Variants in IL1RL2 observed in about 807,000 individuals in gnomAD.
IL1RL2 encodes the protein interleukin-1 receptor-like 2.
In IL1RL2, 68 loss-of-function variants were observed where a neutral mutation model predicts 66.8. The ratio of observed to expected loss-of-function variants is 1.02; its 90% CI spans 0.84 to 1.25. IL1RL2 has a LOEUF of 1.25. IL1RL2 is among the 50% of genes most tolerant of loss of function. IL1RL2 has a pLI of 0.00. For missense variants in IL1RL2, 729 were observed against 709.3 expected (o/e 1.03, Z -0.32); for synonymous variants, 305 against 264.6 (o/e 1.15, Z -1.48).
downstream of IL1RL2, among the ~76,000 whole-genome samples, chr2:102,242,655 A>G (rs980323630): frequency 6.6e-6 from 1 of 152,120 alleles, no homozygotes; most frequent in Non-Finnish European, 1.5e-5. Flanking sequence ...AGGGATTTGG[A>G]TGATGCCCAC....
chr2:102,200,377 G>A (rs1004850305), intron 4 of IL1RL2, among the ~76,000 whole-genome samples: 5 of 152,140 alleles, frequency 3.3e-5, no homozygotes, highest in East Asian at 1.9e-4. Context: ...CCTGCTGGGC[G>A]GCTCTATTCA....
At chr2:102,200,332 A>G (rs1258746302) in intron 4 of IL1RL2, among the ~76,000 whole-genome samples, 2 of 152,184 alleles carry the variant, frequency 1.3e-5, no homozygotes, top group Admixed American at 6.5e-5. Context: ...TTATAAATAA[A>G]CCAATGCTTG....
At chr2:102,218,837 TG>T in intron 6 of IL1RL2, 115 bp from the exon 7 acceptor site, 1 of 863,930 alleles carries the variant, frequency 1.2e-6, no homozygotes, top group Non-Finnish European at 1.8e-6. Context: ...GGGCTATTTC[TG>T]GTAATCAAAA....
chr2:102,204,469 T>C (rs1411457799), intron 5 of IL1RL2, among the ~76,000 whole-genome samples: 1 of 152,166 alleles, frequency 6.6e-6, no homozygotes, highest in Non-Finnish European at 1.5e-5. Flanking sequence ...TGTCCAATGC[T>C]GAAAGTGGGA....
intron 9 of IL1RL2, among the ~76,000 whole-genome samples, chr2:102,229,667 T>A (rs1281339236): frequency 6.6e-6 from 1 of 152,236 alleles, no homozygotes; most frequent in Admixed American, 6.5e-5. Flanking sequence ...CAGTAAATTA[T>A]GAATTAGTCA....
rs1049667184 is a variant in IL1RL2, at chr2:102,205,433, G to A, written c.649+3718G>A. Among the ~76,000 whole-genome samples, 17 of 152,092 alleles carry A rather than the reference G, an allele frequency of 1.1e-4. No individual in the cohort carries two copies. The East Asian group carries it at 3.1e-3, about 28-fold the overall frequency. On this transcript the variant is annotated intron_variant, in intron 5 of 11. Transcript: ENST00000264257. ...AGTACTCCCTTTAACATTTCTTGTAGGACAGGTCAGTAGATGAAATCCTTC... is the reference window on the plus strand; with the variant it reads ...AGTACTCCCTTTAACATTTCTTGTAAGACAGGTCAGTAGATGAAATCCTTC...
At chr2:102,195,338 T>G (rs553530073) in intron 4 of IL1RL2, among the ~76,000 whole-genome samples, 50 of 152,298 alleles carry the variant, frequency 3.3e-4, no homozygotes, top group African/African-American at 1.2e-3. Flanking sequence ...AAAAAGACCT[T>G]TTTTCCTATA....
At chr2:102,235,569 G>C (rs777026132) in intron 11 of IL1RL2, 1 of 985,324 alleles carries the variant, frequency 1.0e-6, no homozygotes, top group African/African-American at 1.7e-5. Context: ...GGCCCCTTGA[G>C]AACAGGACAT....
downstream of IL1RL2, among the ~76,000 whole-genome samples, chr2:102,242,250 A>G (rs77231253): frequency 1.6e-3 from 237 of 152,372 alleles, 1 homozygote; most frequent in African/African-American, 5.2e-3. Flanking sequence ...TTATAAAAAT[A>G]TTCATTATCC....
chr2:102,240,950 C>T (rs1675213685), downstream of IL1RL2, among the ~76,000 whole-genome samples: 1 of 152,286 alleles, frequency 6.6e-6, no homozygotes, highest in African/African-American at 2.4e-5. Context: ...AACAAGGTCA[C>T]GCCTGAGCTC....
At chr2:102,190,958 T>C (rs556973093) in intron 3 of IL1RL2, among the ~76,000 whole-genome samples, 3 of 152,334 alleles carry the variant, frequency 2.0e-5, no homozygotes, top group East Asian at 1.9e-4. Context: ...TTTAGGAAAC[T>C]GTATATTTTT....
chr2:102,235,934 G>A (rs570929102), intron 11 of IL1RL2: 1 of 985,234 alleles, frequency 1.0e-6, no homozygotes, highest in Admixed American at 6.1e-5. Flanking sequence ...TGTTTGAGAG[G>A]CTTTATCTGT....
At chr2:102,228,407 ATT>A (rs1690826308) in intron 9 of IL1RL2, among the ~76,000 whole-genome samples, 1 of 152,228 alleles carries the variant, frequency 6.6e-6, no homozygotes, top group African/African-American at 2.4e-5. Flanking sequence ...GTATCACTCA[ATT>A]AATAATTAGG....
chr2:102,233,158 A>G lies in IL1RL2; in HGVS notation c.1297+34A>G, dbSNP rs1336297789. On this transcript the variant is annotated intron_variant, in intron 10 of 11. Coordinates refer to ENST00000264257, the MANE Select transcript of IL1RL2 (RefSeq NM_003854.4). Reference sequence around the variant, plus strand: ...TAAGTGAGGTGTAAAAATAACAAATAAAAGAAGGAAAGCGACCCCTCTGTT... The same window carrying G: ...TAAGTGAGGTGTAAAAATAACAAATGAAAGAAGGAAAGCGACCCCTCTGTT... The G allele has an allele frequency of 3.8e-6, 6 of 1,584,942 alleles. No homozygotes were observed. The South Asian group carries it at 4.5e-5, about 12-fold the overall frequency.
Position 102,201,728 on chromosome 2 carries a change from A to C in IL1RL2, c.649+13A>C. 1.9e-6 allele frequency: 3 copies of C among 1,610,960 alleles called. No homozygotes were observed. The highest frequency in any genetic ancestry group is 2.5e-6 in the Non-Finnish European group (3 of 1,178,064). ...ACTGTGAGCATTAGTAAGTATGCTC[A>C]TGTATGCCTGTCGCCTTGTATTCTC... is the stretch of plus-strand genomic sequence containing the variant. On this transcript the variant is annotated intron_variant, in intron 5 of 11. Transcript: ENST00000264257.
At chr2:102,195,679 CT>C (rs1318000087) in intron 4 of IL1RL2, among the ~76,000 whole-genome samples, 1 of 111,748 alleles carries the variant, frequency 8.9e-6, no homozygotes, top group Admixed American at 1.0e-4. Context: ...TTCTTTCTTT[CT>C]TTCTTCTTTC....
In IL1RL2 at chr2:102,189,122, C is replaced by A. The variant is rs746520610; in HGVS notation, c.105C>A (p.Ser35Arg). Residue 35 changes from serine to arginine, a missense_variant, in exon 3 of 12, where the codon AGC (serine) becomes AGA (arginine). By Grantham distance (110) the Ser-to-Arg change is moderately radical. Coordinates refer to ENST00000264257, the MANE Select transcript of IL1RL2 (RefSeq NM_003854.4). ...TGAAAAATGAGATACTTTCAGCAAG[C>A]CAGCCTTTTGCTTTTAATTGTACAT... is the stretch of plus-strand genomic sequence containing the variant. The part of the protein sequence containing the change: ...IFMKNEILSA[S>R]QPFAFNCTFP... 1.2e-4 allele frequency: 192 copies of A among 1,614,068 alleles called. 2 individuals are homozygous for A. The South Asian group carries it at 1.5e-3, about 12-fold the overall frequency.
At chr2:102,206,491 G>A (rs527605235) in intron 5 of IL1RL2, among the ~76,000 whole-genome samples, 2 of 152,118 alleles carry the variant, frequency 1.3e-5, no homozygotes, top group Non-Finnish European at 2.9e-5. Context: ...ACCTGTAGAG[G>A]TACCACCTTG....
chr2:102,218,393 T>C (rs1441590189), intron 6 of IL1RL2, among the ~76,000 whole-genome samples: 2 of 152,128 alleles, frequency 1.3e-5, no homozygotes, highest in Admixed American at 6.5e-5. Context: ...AATTTGTGAA[T>C]GTGTGTAGAG....
Sources: allele counts gnomAD v4.1 joint callset (sites outside exome capture counted in the v4.1 genomes callset), GRCh38; gene constraint gnomAD v4.1.1; transcripts MANE v1.5; gene names NCBI Gene and HGNC (gene_info 2026-07-23, HGNC 2026-07-21).